The following SIPA1L3 variants were observed in gnomAD, a reference collection of about 807,000 sequenced individuals.
The protein encoded by SIPA1L3 is signal-induced proliferation-associated 1-like protein 3.
Under a neutral mutation model 150.1 loss-of-function variants are expected in SIPA1L3, and 59 were observed. The ratio of observed to expected loss-of-function variants is 0.39; its 90% CI spans 0.32 to 0.49. The LOEUF (loss-of-function observed/expected upper bound fraction) is 0.49, where lower values mean the gene tolerates loss of function less well. Among genes scored for constraint, SIPA1L3 ranks in the 20% least tolerant of loss-of-function variants. The pLI is 0.86. For synonymous variants in SIPA1L3, 1,070 were observed against 1,077.6 expected (o/e 0.99, Z 0.14); for missense variants, 2,211 against 2,489.5 (o/e 0.89, Z 2.38).
chr19:37,949,853 C>A (rs936885239), intron 1 of SIPA1L3, among the ~76,000 whole-genome samples: 1 of 151,962 alleles, frequency 6.6e-6, no homozygotes, highest in Non-Finnish European at 1.5e-5. Flanking sequence ...CCAAGGCAGG[C>A]GGATCACAAG....
chr19:38,165,023 A>G, intron 15 of SIPA1L3, 117 bp downstream of exon 15: 8 of 993,014 alleles, frequency 8.1e-6, no homozygotes, highest in East Asian at 7.9e-5. Context: ...GAATGCGCCT[A>G]GTCATTGGTT....
intron 2 of SIPA1L3, among the ~76,000 whole-genome samples, chr19:38,048,541 A>T (rs1238904603): frequency 6.6e-6 from 1 of 152,204 alleles, no homozygotes; most frequent in Non-Finnish European, 1.5e-5. Context: ...GGAATGCCAC[A>T]TCCTGATCAC....
chr19:38,050,635 C>A (rs1969172843), intron 2 of SIPA1L3, among the ~76,000 whole-genome samples: 1 of 152,206 alleles, frequency 6.6e-6, no homozygotes, highest in African/African-American at 2.4e-5. Flanking sequence ...TTTCTGGCTT[C>A]TCCTGGGTCG....
chr19:38,201,596 C>T (rs79517057), intron 19 of SIPA1L3, among the ~76,000 whole-genome samples: 1,804 of 152,362 alleles, frequency 0.012, 37 homozygotes, highest in African/African-American at 0.039. Flanking sequence ...TCTCATCTAA[C>T]TGGCTTCTTC....
At chr19:38,010,572 G>A (rs931023831) in intron 1 of SIPA1L3, among the ~76,000 whole-genome samples, 2 of 152,028 alleles carry the variant, frequency 1.3e-5, no homozygotes, top group Admixed American at 6.6e-5. Context: ...TTAGCTGGGC[G>A]TGGTGGCAGG....
chr19:38,184,622 C>T (rs1270951330), intron 16 of SIPA1L3: 1 of 152,216 alleles, frequency 6.6e-6, no homozygotes, highest in Non-Finnish European at 1.5e-5. Context: ...CCATCCTGTT[C>T]TTTGTAGTGT....
chr19:37,994,048 C>T (rs1475578893), intron 1 of SIPA1L3, among the ~76,000 whole-genome samples: 1 of 152,120 alleles, frequency 6.6e-6, no homozygotes, highest in Non-Finnish European at 1.5e-5. Flanking sequence ...GTGTGCACCA[C>T]CACACCTGGC....
intron 1 of SIPA1L3, among the ~76,000 whole-genome samples, chr19:37,968,063 C>CTCTTTCTTTCTT (rs74174499): frequency 7.7e-5 from 11 of 143,460 alleles, no homozygotes; most frequent in African/African-American, 1.9e-4. Flanking sequence ...ATGGCCTCAT[C>CTCTTTCTTTCTT]TCTTTCTTTC....
In SIPA1L3 at chr19:37,927,521, CGTGTGTGTGTGTGT is replaced by C. The variant is rs144453861; in HGVS notation, c.-379+20190_-379+20203del. On this transcript the variant is annotated intron_variant, in intron 1 of 21. Coordinates refer to ENST00000222345, the MANE Select transcript of SIPA1L3 (RefSeq NM_015073.3). Reference sequence around the variant, plus strand: ...TTTGGAATTCTCAGTGTCTGTTGTTCGTGTGTGTGTGTGTGTGTGTGTGTGTGTGTGTGTGTGTG... The same window carrying C: ...TTTGGAATTCTCAGTGTCTGTTGTTCGTGTGTGTGTGTGTGTGTGTGTGTG... Among the ~76,000 whole-genome samples the C allele has an allele frequency of 6.5e-3, 893 of 136,826 alleles. 13 individuals are homozygous for C. The highest frequency in any genetic ancestry group is 0.021 in the African/African-American group (748 of 36,232). 89.8% of individuals were successfully genotyped at this position (136,826 alleles called of 152,430 possible). A position where few individuals can be genotyped will look rare whatever the true frequency, so the allele number is the denominator to read the frequency against.
chr19:37,931,885 T>TTC (rs998899283), intron 1 of SIPA1L3, among the ~76,000 whole-genome samples: 1 of 152,252 alleles, frequency 6.6e-6, no homozygotes, highest in African/African-American at 2.4e-5. Context: ...TTCGTTGAAC[T>TTC]TCTCATCTGT....
At chr19:38,095,140 T>TAAA (rs1278188412) in intron 4 of SIPA1L3, among the ~76,000 whole-genome samples, 2 of 152,214 alleles carry the variant, frequency 1.3e-5, no homozygotes, top group Non-Finnish European at 2.9e-5. Context: ...TGTGGCTTTG[T>TAAA]ACATAAACAT....
intron 1 of SIPA1L3, among the ~76,000 whole-genome samples, chr19:37,986,912 G>A (rs1231909150): frequency 6.6e-6 from 1 of 152,058 alleles, no homozygotes; most frequent in Non-Finnish European, 1.5e-5. Flanking sequence ...CTGAGGAGGA[G>A]CTGAGCGTTT....
intron 10 of SIPA1L3, among the ~76,000 whole-genome samples, chr19:38,138,412 C>T (rs1307509351): frequency 6.6e-6 from 1 of 152,190 alleles, no homozygotes; most frequent in Non-Finnish European, 1.5e-5. Context: ...CAGACTGAAA[C>T]ATGGCGCCGC....
chr19:38,018,868 C>CAA (rs1968300406), intron 1 of SIPA1L3, among the ~76,000 whole-genome samples: 1 of 152,154 alleles, frequency 6.6e-6, no homozygotes, highest in Non-Finnish European at 1.5e-5. Context: ...CATCCTACCC[C>CAA]ACACAGTGTC....
intron 19 of SIPA1L3, among the ~76,000 whole-genome samples, 158 bp downstream of exon 19, chr19:38,198,690 C>T (rs1196875603): frequency 6.6e-6 from 1 of 152,228 alleles, no homozygotes; most frequent in Non-Finnish European, 1.5e-5. Context: ...ACCATGCAGC[C>T]CCGGGCAAGC....
At chr19:38,089,646 A>G (rs1417166651) in intron 4 of SIPA1L3, among the ~76,000 whole-genome samples, 1 of 152,270 alleles carries the variant, frequency 6.6e-6, no homozygotes, top group African/African-American at 2.4e-5. Flanking sequence ...GTCACTTTCC[A>G]TTCTGAGTAG....
intron 7 of SIPA1L3, chr19:38,108,535 A>G (rs1970669520): frequency 6.6e-6 from 1 of 152,264 alleles, no homozygotes; most frequent in South Asian, 2.1e-4. Flanking sequence ...AAACTCACAT[A>G]AAGAACTAAC....
intron 1 of SIPA1L3, among the ~76,000 whole-genome samples, chr19:37,912,506 CT>C (rs1191360974): frequency 2.0e-5 from 3 of 151,878 alleles, no homozygotes; most frequent in African/African-American, 4.8e-5. Context: ...CAGCTGTGAT[CT>C]TTTTTTTAGA....
chr19:38,126,011 A>C (rs1245069862), intron 9 of SIPA1L3, among the ~76,000 whole-genome samples: 1 of 152,056 alleles, frequency 6.6e-6, no homozygotes, highest in Non-Finnish European at 1.5e-5. Flanking sequence ...ATCTCTACTA[A>C]ACATACGAAA....
Sources: allele counts gnomAD v4.1 joint callset (sites outside exome capture counted in the v4.1 genomes callset), GRCh38; gene constraint gnomAD v4.1.1; transcripts MANE v1.5; gene names NCBI Gene and HGNC (gene_info 2026-07-23, HGNC 2026-07-21).